ACSM1: variants seen among roughly 807,000 people sequenced by gnomAD.
ACSM1 encodes the protein acyl-coenzyme A synthetase ACSM1, mitochondrial.
In ACSM1, 79 loss-of-function variants were observed where a neutral mutation model predicts 75.8. That is an observed-to-expected ratio of 1.04 (90% CI 0.87 to 1.26). The LOEUF is 1.26. ACSM1 is among the 50% of genes most tolerant of loss of function. The pLI, the probability that ACSM1 is intolerant of heterozygous loss-of-function variation, is 0.00. For synonymous variants in ACSM1, 279 were observed against 265.8 expected (o/e 1.05, Z -0.48); for missense variants, 676 against 720.1 (o/e 0.94, Z 0.70).
At chr16:20,623,697 T>G (rs1287084237) in intron 13 of ACSM1, 125 bp from the exon 14 acceptor site, 4 of 963,760 alleles carry the variant, frequency 4.2e-6, no homozygotes, top group African/African-American at 3.2e-5. Context: ...GTGGCCTTAA[T>G]GGAGTCCCCA....
chr16:20,658,070 A>G (rs144202269), intron 7 of ACSM1, among the ~76,000 whole-genome samples: 288 of 152,258 alleles, frequency 1.9e-3, no homozygotes, highest in African/African-American at 6.5e-3. Flanking sequence ...ATAAAGATAC[A>G]TGTGCATGTG....
intron 4 of ACSM1, among the ~76,000 whole-genome samples, chr16:20,672,471 A>AAAAAAAATATATATATAT (rs1555473775): frequency 1.4e-4 from 9 of 64,568 alleles, no homozygotes; most frequent in East Asian, 1.3e-3. Context: ...AAAAAAAAAA[A>AAAAAAAATATATATATAT]ATATATATAT....
chr16:20,656,212 A>G (rs1325425757), intron 7 of ACSM1, among the ~76,000 whole-genome samples: 1 of 152,116 alleles, frequency 6.6e-6, no homozygotes, highest in Non-Finnish European at 1.5e-5. Flanking sequence ...ATATCTCTAT[A>G]TTTATATGTG....
chr16:20,677,485 CTG>C (rs1217408991), intron 4 of ACSM1, among the ~76,000 whole-genome samples: 1 of 152,214 alleles, frequency 6.6e-6, no homozygotes, highest in Non-Finnish European at 1.5e-5. Context: ...ACTTTAGAGA[CTG>C]TGAATACCCT....
chr16:20,642,969 C>T (rs1392476757), intron 7 of ACSM1, among the ~76,000 whole-genome samples: 1 of 152,178 alleles, frequency 6.6e-6, no homozygotes, highest in Non-Finnish European at 1.5e-5. Flanking sequence ...CTCAATACTG[C>T]CTTGTTGTCA....
At chr16:20,672,236 T>C (rs1212336973) in intron 4 of ACSM1, among the ~76,000 whole-genome samples, 1 of 149,296 alleles carries the variant, frequency 6.7e-6, no homozygotes, top group Non-Finnish European at 1.5e-5. Context: ...TTAAACTCTG[T>C]GACCTTGGTG....
intron 8 of ACSM1, among the ~76,000 whole-genome samples, chr16:20,638,711 G>A (rs1313369553): frequency 2.0e-5 from 3 of 152,214 alleles, no homozygotes; most frequent in African/African-American, 7.2e-5. Flanking sequence ...GTAATTGGCA[G>A]AGCTGAGACT....
At chr16:20,654,766 G>A (rs2152244170) in intron 7 of ACSM1, among the ~76,000 whole-genome samples, 1 of 152,352 alleles carries the variant, frequency 6.6e-6, no homozygotes, top group South Asian at 2.1e-4. Context: ...TAGAGAGGAT[G>A]TGGAGAAATA....
At chr16:20,657,981 C>A (rs1446815918) in intron 7 of ACSM1, among the ~76,000 whole-genome samples, 2 of 152,112 alleles carry the variant, frequency 1.3e-5, no homozygotes, top group Non-Finnish European at 2.9e-5. Context: ...TGTATATGTG[C>A]CACATTTTCA....
At chr16:20,687,414 G>A (rs2079573231) in intron 2 of ACSM1, among the ~76,000 whole-genome samples, 1 of 152,104 alleles carries the variant, frequency 6.6e-6, no homozygotes, top group South Asian at 2.1e-4. Context: ...GCCAAGGAAA[G>A]ATAAATGCTA....
chr16:20,685,438 C>G, intron 2 of ACSM1, 35 bp from the exon 3 acceptor site: 1 of 1,602,198 alleles, frequency 6.2e-7, no homozygotes, highest in Non-Finnish European at 8.5e-7. Flanking sequence ...TTATTTTCTG[C>G]TTCAAAGAAA....
chr16:20,656,193 A>G (rs371965592), intron 7 of ACSM1, among the ~76,000 whole-genome samples: 3 of 152,148 alleles, frequency 2.0e-5, no homozygotes, highest in Admixed American at 6.6e-5. Flanking sequence ...TTTATTCTGC[A>G]TGCCTGTTAT....
At position 20,627,228 on chromosome 16, in the gene ACSM1, CA is replaced by C; in HGVS notation, c.1387del (p.Cys463ValfsTer49). On this transcript the variant is annotated frameshift_variant, in exon 11 of 14. Transcript: ENST00000520010. LOFTEE classifies it high-confidence loss of function. ...GATGTCATCACTCCTCCCCAGGAAA[CA>C]AATGTAGCCCTCTTCATCCATCTTA... is the stretch of plus-strand genomic sequence containing the variant. Reference protein sequence around the residue: ...RGKMDEEGYICFLGRSDDIIN... With the variant: ...RGKMDEEGYIXFLGRSDDIIN... 1 of 1,578,442 alleles carries C rather than the reference CA, an allele frequency of 6.3e-7. No individual in the cohort carries two copies. The highest frequency in any genetic ancestry group is 8.6e-7 in the Non-Finnish European group (1 of 1,164,722).
chr16:20,656,398 C>A (rs1308883795), intron 7 of ACSM1, among the ~76,000 whole-genome samples: 1 of 151,974 alleles, frequency 6.6e-6, no homozygotes, highest in Non-Finnish European at 1.5e-5. Context: ...TCTCAAAATT[C>A]TCCAGTAATT....
chr16:20,658,447 AT>A (rs2038167443), intron 7 of ACSM1, among the ~76,000 whole-genome samples: 1 of 150,300 alleles, frequency 6.7e-6, no homozygotes, highest in Non-Finnish European at 1.5e-5. Context: ...CCACTTTTTG[AT>A]GGGGTTGTTC....
chr16:20,682,721 T>C (rs900265160), intron 3 of ACSM1, among the ~76,000 whole-genome samples: 2 of 152,206 alleles, frequency 1.3e-5, no homozygotes, highest in African/African-American at 4.8e-5. Flanking sequence ...TCTTTTCTAC[T>C]GTAAATGGAT....
chr16:20,686,214 A>T (rs1165779608), intron 2 of ACSM1, among the ~76,000 whole-genome samples: 1 of 151,648 alleles, frequency 6.6e-6, no homozygotes, highest in Non-Finnish European at 1.5e-5. Flanking sequence ...TTTGAAAAAA[A>T]TTTTTTTAAT....
At chr16:20,687,056 C>T (rs1352416018) in intron 2 of ACSM1, among the ~76,000 whole-genome samples, 1 of 151,636 alleles carries the variant, frequency 6.6e-6, no homozygotes, top group Non-Finnish European at 1.5e-5. Flanking sequence ...GGAAGCCCCC[C>T]AACTCCCACC....
chr16:20,635,130 C>T (rs953807442), intron 10 of ACSM1, among the ~76,000 whole-genome samples: 3 of 152,158 alleles, frequency 2.0e-5, no homozygotes, highest in African/African-American at 7.2e-5. Flanking sequence ...TGCAATAGCT[C>T]ACATCTGTAA....
Sources: gnomAD v4.1 joint callset for allele counts (sites outside exome capture counted in the v4.1 genomes callset) on GRCh38, gnomAD v4.1.1 for gene constraint, MANE v1.5 for transcripts, NCBI Gene and HGNC (gene_info 2026-07-23, HGNC 2026-07-21) for gene names.